The following SI variants were observed in gnomAD, a reference collection of about 807,000 sequenced individuals.
The protein encoded by SI is sucrase-isomaltase, intestinal.
SI carries 235 observed loss-of-function variants against 253.3 expected under a neutral mutation model. That is an observed-to-expected ratio of 0.93 (90% CI 0.83 to 1.03). The LOEUF is 1.03. Among genes scored for constraint, SI ranks in the 50% least tolerant of loss-of-function variants. SI has a pLI of 0.00. For synonymous variants in SI, 819 were observed against 712.0 expected (o/e 1.15, Z -2.39); for missense variants, 2,442 against 2,211.1 (o/e 1.10, Z -2.09).
intron 38 of SI, 27 bp downstream of exon 38, chr3:164,998,513 A>T: frequency 6.2e-7 from 1 of 1,609,918 alleles, no homozygotes; most frequent in Non-Finnish European, 8.5e-7. Context: ...ACACAAAATA[A>T]TAATAAAGAT....
intron 23 of SI, among the ~76,000 whole-genome samples, 154 bp downstream of exon 23, chr3:165,033,241 A>T (rs189497240): frequency 6.6e-6 from 1 of 151,754 alleles, no homozygotes; most frequent in Admixed American, 6.6e-5. Context: ...TTAACAATTT[A>T]AATATAACAA....
At chr3:165,073,725 A>C (rs1714751503) in intron 3 of SI, among the ~76,000 whole-genome samples, 1 of 152,144 alleles carries the variant, frequency 6.6e-6, no homozygotes, top group South Asian at 2.1e-4. Flanking sequence ...AAAAAATATC[A>C]ACATGGTAAT....
intron 13 of SI, among the ~76,000 whole-genome samples, chr3:165,053,561 C>T (rs1412026278): frequency 1.3e-5 from 2 of 152,044 alleles, no homozygotes; most frequent in African/African-American, 4.8e-5. Context: ...TATACTGCTT[C>T]TTGTGTTTTT....
chr3:165,046,665 T>C (rs1165015541), intron 16 of SI, among the ~76,000 whole-genome samples, 176 bp downstream of exon 16: 1 of 152,116 alleles, frequency 6.6e-6, no homozygotes, highest in Non-Finnish European at 1.5e-5. Flanking sequence ...ACTTTAATGG[T>C]TGGAAATTAT....
rs1210468615 is a variant in SI at position 165,062,427 on chromosome 3, C to T, written c.964G>A (p.Asp322Asn). ...GTATCTCCTAGAAGGATGTAAAAAT[C>T]CAGAATGCCACCGGTAACTCTATAT... ...VTYRVTGGIL[D>N]FYILLGDTPE... Residue 322 changes from aspartate (D) to asparagine (N), a missense_variant, in exon 9 of 48, where the codon GAT becomes AAT. Transcript: ENST00000264382. 1 of 1,606,710 alleles carries T rather than the reference C, an allele frequency of 6.2e-7. No individual in the cohort carries two copies. Among genetic ancestry groups the T allele is most frequent in the Non-Finnish European group, 8.5e-7 (1 of 1,173,954 alleles).
rs1344827181 is a variant in SI at position 165,040,830 on chromosome 3, C to A, written c.2159+110G>T. 3 of 840,864 alleles carry A rather than the reference C, an allele frequency of 3.6e-6. No individual in the cohort carries two copies. In the African/African-American group the frequency reaches 5.1e-5, roughly 14 times the overall value. 52.1% of individuals were successfully genotyped at this position (840,864 alleles called of 1,614,324 possible). A position where few individuals can be genotyped will look rare whatever the true frequency, so the allele number is the denominator to read the frequency against. On this transcript the variant is annotated intron_variant, in intron 18 of 47. Coordinates refer to ENST00000264382, the MANE Select transcript of SI (RefSeq NM_001041.4). ...CAAATCATTTACACCAATGTAAAAA[C>A]AAGCAGCAGAAGTTTAATTGATATC...
chr3:165,043,565 A>G (rs1331250791), intron 16 of SI, among the ~76,000 whole-genome samples: 2 of 152,020 alleles, frequency 1.3e-5, no homozygotes, highest in South Asian at 2.1e-4. Flanking sequence ...TAACTGTAGG[A>G]ATAAAATAAC....
At position 165,007,914 on chromosome 3, in the gene SI, G is replaced by A; in HGVS notation, c.4264C>T (p.Pro1422Ser). The A allele has an allele frequency of 6.4e-7, 1 of 1,551,636 alleles. No homozygotes were observed. The highest frequency in any genetic ancestry group is 8.9e-7 in the Non-Finnish European group (1 of 1,125,890). Reference protein sequence around the residue: ...NDELNYPPYFPELTKRTDGLH... With the variant: ...NDELNYPPYFSELTKRTDGLH... The stretch of plus-strand genomic sequence containing the variant: ...AGGCATACCAACAATATTGTACCTG[G>A]GAAATAAGGTGGATAATTTAGTTCG... Residue 1422 changes from proline to serine, a missense_variant, in exon 36 of 48, where the codon CCA becomes TCA. Coordinates refer to ENST00000264382, the MANE Select transcript of SI (RefSeq NM_001041.4).
At chr3:164,987,719 T>C (rs940036978) in intron 44 of SI, among the ~76,000 whole-genome samples, 2 of 152,054 alleles carry the variant, frequency 1.3e-5, no homozygotes, top group Admixed American at 1.3e-4. Flanking sequence ...AAAAAAATTC[T>C]TCACATTTAA....
In SI at chr3:165,059,229, T is replaced by G. The variant is rs777261367; in HGVS notation, c.1217A>C (p.Asn406Thr). The change falls in exon 11 of 48, where the codon AAC (asparagine) becomes ACC (threonine). Residue 406 changes from asparagine to threonine, a missense_variant. Physicochemically the swap from Asn to Thr is moderately conservative, Grantham distance 65 (BLOSUM62 0). Coordinates refer to ENST00000264382, the MANE Select transcript of SI (RefSeq NM_001041.4). The part of the protein sequence containing the change: ...KDFTYDQVAF[N>T]GLPQFVQDLH... ...ATCTTGCACAAATTGAGGGAGTCCGTTAAACGCAACTTGATCATAAGTAAA... is the reference window on the plus strand; with the variant it reads ...ATCTTGCACAAATTGAGGGAGTCCGGTAAACGCAACTTGATCATAAGTAAA... 4 of 1,612,700 alleles carry G rather than the reference T, an allele frequency of 2.5e-6. No homozygotes were observed. The highest frequency in any genetic ancestry group is 2.5e-6 in the Non-Finnish European group (3 of 1,179,252).
At chr3:165,090,185 C>G in the SI span, among the ~76,000 whole-genome samples, 5 of 151,198 alleles carry the variant, frequency 3.3e-5, no homozygotes, top group African/African-American at 1.2e-4. Flanking sequence ...GAGAGAACCC[C>G]CCCGCATTGT....
In SI at chr3:165,021,323, G is replaced by A. The variant is rs866396726; in HGVS notation, c.3160C>T (p.Pro1054Ser). 6.2e-7 allele frequency: 1 copy of A among 1,610,586 alleles called. No individual in the cohort carries two copies. Among genetic ancestry groups the A allele is most frequent in the Non-Finnish European group, 8.5e-7 (1 of 1,177,432 alleles). Residue 1054 changes from proline (P) to serine (S), a missense_variant, in exon 27 of 48, where the codon CCA becomes TCA. Transcript: ENST00000264382. Reference protein sequence around the residue: ...VPVPLNIPTTPISTYEDRLYD... With the variant: ...VPVPLNIPTTSISTYEDRLYD... Reference sequence around the variant, plus strand: ...AGTCTGTCTTCATAAGTACTTATTGGGGTGGTTGGAATGTTTAACGGTACT... The same window carrying A: ...AGTCTGTCTTCATAAGTACTTATTGAGGTGGTTGGAATGTTTAACGGTACT...
chr3:165,054,815 G>A (rs1390995191), intron 13 of SI, among the ~76,000 whole-genome samples: 2 of 152,122 alleles, frequency 1.3e-5, no homozygotes, highest in African/African-American at 4.8e-5. Flanking sequence ...TCATATTGCT[G>A]CTGTTGCTTG....
At position 165,021,345 on chromosome 3, in the gene SI, T is replaced by C. The variant is rs769347558; in HGVS notation, c.3138A>G (p.Val1046=). 5.6e-6 allele frequency: 9 copies of C among 1,610,808 alleles called. No homozygotes were observed. The highest frequency in any genetic ancestry group is 5.4e-5 in the African/African-American group (4 of 74,738). The change falls in exon 27 of 48, where the codon GTA becomes GTG. Residue 1046 remains valine (V), a synonymous_variant. Coordinates refer to ENST00000264382, the MANE Select transcript of SI (RefSeq NM_001041.4). ...DPQKKRYEVP[V]PLNIPTTPIS... The stretch of plus-strand genomic sequence containing the variant: ...TTGGGGTGGTTGGAATGTTTAACGG[T>C]ACTGGTACTTCATATCTCTTCTTTT...
At chr3:164,996,081 T>A (rs750266356) in intron 40 of SI, among the ~76,000 whole-genome samples, 8 of 151,792 alleles carry the variant, frequency 5.3e-5, no homozygotes, top group African/African-American at 1.2e-4. Context: ...CTGCCTACAA[T>A]CCTTGTATTT....
chr3:164,987,094 G>C (rs954614045), intron 45 of SI, 44 bp downstream of exon 45: 1 of 1,356,344 alleles, frequency 7.4e-7, no homozygotes, highest in Non-Finnish European at 1.1e-6. Flanking sequence ...TAATGTGATA[G>C]AATACGACAT....
At chr3:165,011,755 T>A (rs1260773843) in intron 34 of SI, among the ~76,000 whole-genome samples, 2 of 148,692 alleles carry the variant, frequency 1.3e-5, no homozygotes, top group African/African-American at 2.4e-5. Flanking sequence ...TATTCATTAT[T>A]GTTATTATTT....
At chr3:165,060,207 TTA>T (rs1488016656) in intron 9 of SI, among the ~76,000 whole-genome samples, 180 bp from the exon 10 acceptor site, 10 of 152,052 alleles carry the variant, frequency 6.6e-5, no homozygotes, top group Admixed American at 1.3e-4. Flanking sequence ...TTTGAATGTG[TTA>T]TGAAATTTTT....
chr3:164,991,478 C>G lies in SI; in HGVS notation c.4984-1G>C. 6.2e-7 allele frequency: 1 copy of G among 1,613,358 alleles called. No homozygotes were observed. The highest frequency in any genetic ancestry group is 8.5e-7 in the Non-Finnish European group (1 of 1,179,590). ...GTCCTCTGACGCCAATATCTTTGCC[C>G]TGGAAATGAAAGGGATGGAAAGAAC... On this transcript the variant is annotated splice_acceptor_variant, in intron 43 of 47. Coordinates refer to ENST00000264382, the MANE Select transcript of SI (RefSeq NM_001041.4). LOFTEE classifies it high-confidence loss of function.
Sources: allele counts gnomAD v4.1 joint callset (sites outside exome capture counted in the v4.1 genomes callset), GRCh38; gene constraint gnomAD v4.1.1; transcripts MANE v1.5; gene names NCBI Gene and HGNC (gene_info 2026-07-23, HGNC 2026-07-21).